MYO16: variants seen among roughly 807,000 people sequenced by gnomAD.
MYO16 encodes the protein myosin XVI.
A neutral mutation model predicts 205.3 loss-of-function variants in MYO16; 94 were observed. The observed-to-expected ratio is 0.46, with a 90% CI of 0.39 to 0.54. The LOEUF is 0.54. Ranked by LOEUF, MYO16 falls within the 20% of genes least tolerant of loss-of-function variation. The probability of loss-of-function intolerance (pLI) is 0.00; values close to 1 mark genes in which losing one functional copy is unlikely to be tolerated. For missense variants in MYO16, 2,315 were observed against 2,387.5 expected (o/e 0.97, Z 0.63); for synonymous variants, 988 against 954.0 (o/e 1.04, Z -0.66).
At chr13:109,158,119 T>C (rs961305190) in intron 32 of MYO16, among the ~76,000 whole-genome samples, 1 of 152,154 alleles carries the variant, frequency 6.6e-6, no homozygotes, top group African/African-American at 2.4e-5. Flanking sequence ...TCAGCTCTCA[T>C]GTTCCCCAGA....
chr13:109,103,065 A>T (rs995289641), intron 28 of MYO16, among the ~76,000 whole-genome samples: 3 of 152,214 alleles, frequency 2.0e-5, no homozygotes, highest in Non-Finnish European at 2.9e-5. Context: ...ATACTACCAG[A>T]CAAATAATCA....
the MYO16 span, among the ~76,000 whole-genome samples, chr13:108,565,072 A>G: frequency 6.6e-6 from 1 of 152,190 alleles, no homozygotes. Flanking sequence ...TATAATTTGA[A>G]GTCACGTAAT....
chr13:109,003,280 G>C (rs35227827), intron 21 of MYO16, among the ~76,000 whole-genome samples: 1 of 152,116 alleles, frequency 6.6e-6, no homozygotes, highest in East Asian at 1.9e-4. Flanking sequence ...CATGAAGCTG[G>C]AAATTTCTCT....
intron 4 of MYO16, among the ~76,000 whole-genome samples, chr13:108,739,313 C>T (rs1027746298): frequency 4.6e-5 from 7 of 152,042 alleles, no homozygotes; most frequent in African/African-American, 1.5e-4. Flanking sequence ...CCTTCAGGAG[C>T]TCTTGTAGGG....
intron 27 of MYO16, among the ~76,000 whole-genome samples, chr13:109,090,904 T>C (rs1888599642): frequency 6.6e-6 from 1 of 151,920 alleles, no homozygotes; most frequent in Non-Finnish European, 1.5e-5. Flanking sequence ...TTGAAGCAGG[T>C]TTTATATCTC....
At chr13:109,200,924 G>A (rs1436336620) in intron 34 of MYO16, among the ~76,000 whole-genome samples, 1 of 152,100 alleles carries the variant, frequency 6.6e-6, no homozygotes, top group Non-Finnish European at 1.5e-5. Context: ...TGTATTTTGT[G>A]CTTGGTGTAA....
intron 12 of MYO16, among the ~76,000 whole-genome samples, chr13:108,876,693 A>G (rs1282899165): frequency 7.1e-6 from 1 of 140,434 alleles, no homozygotes; most frequent in Non-Finnish European, 1.5e-5. Context: ...TTGAGATGAG[A>G]TCTTAGTCTA....
the MYO16 span, among the ~76,000 whole-genome samples, chr13:108,532,915 C>T: frequency 6.6e-6 from 1 of 151,916 alleles, no homozygotes; most frequent in African/African-American, 2.4e-5. Flanking sequence ...AAGTGAGGTC[C>T]CTAACAAAAT....
chr13:108,946,458 T>TATACATATGGAAACTTTGAA (rs2050942238), intron 16 of MYO16, among the ~76,000 whole-genome samples: 1 of 152,166 alleles, frequency 6.6e-6, no homozygotes, highest in African/African-American at 2.4e-5. Flanking sequence ...ACCAACTAGG[T>TATACATATGGAAACTTTGAA]ATACATATGG....
intron 2 of MYO16, among the ~76,000 whole-genome samples, chr13:108,680,507 T>C (rs1190059533): frequency 6.6e-6 from 1 of 152,200 alleles, no homozygotes; most frequent in East Asian, 1.9e-4. Context: ...TAATGCAGGC[T>C]TTGCATAGAG....
chr13:108,862,158 A>C (rs549429991), intron 11 of MYO16, among the ~76,000 whole-genome samples: 2 of 152,332 alleles, frequency 1.3e-5, no homozygotes, highest in African/African-American at 4.8e-5. Flanking sequence ...CAAAAATCAA[A>C]ATCCCCAAAG....
the MYO16 span, among the ~76,000 whole-genome samples, chr13:108,500,673 A>C: frequency 6.6e-6 from 1 of 152,094 alleles, no homozygotes; most frequent in Non-Finnish European, 1.5e-5. Context: ...CTGACCTTTT[A>C]GGACTGCCCC....
intron 1 of MYO16, among the ~76,000 whole-genome samples, chr13:108,660,088 C>T (rs1057486638): frequency 2.6e-5 from 4 of 152,036 alleles, no homozygotes; most frequent in African/African-American, 9.7e-5. Context: ...GGCAACAGAG[C>T]AAGACCCCAT....
At chr13:108,908,714 CT>C (rs1176548662) in intron 15 of MYO16, among the ~76,000 whole-genome samples, 1 of 152,104 alleles carries the variant, frequency 6.6e-6, no homozygotes, top group Non-Finnish European at 1.5e-5. Flanking sequence ...TGGCTCACCC[CT>C]GTAATCCTGG....
intron 7 of MYO16, among the ~76,000 whole-genome samples, chr13:108,818,485 AAC>A (rs1198538064): frequency 6.6e-6 from 1 of 151,928 alleles, no homozygotes; most frequent in Non-Finnish European, 1.5e-5. Context: ...TAATAAAACA[AAC>A]ACAGAATGCA....
intron 2 of MYO16, among the ~76,000 whole-genome samples, chr13:108,708,312 T>C (rs1883592409): frequency 6.6e-6 from 1 of 152,220 alleles, no homozygotes; most frequent in Admixed American, 6.5e-5. Context: ...AAAGGCTTTC[T>C]CAAAGGACTA....
intron 2 of MYO16, among the ~76,000 whole-genome samples, chr13:108,702,813 A>AGTTTTTGT (rs1883362411): frequency 1.3e-5 from 2 of 152,168 alleles, no homozygotes; most frequent in Non-Finnish European, 2.9e-5. Flanking sequence ...GGGACAGCTG[A>AGTTTTTGT]CTATATAACA....
chr13:109,172,527 G>A (rs74904989), intron 33 of MYO16, among the ~76,000 whole-genome samples: 13,417 of 152,150 alleles, frequency 0.088, 660 homozygotes, highest in African/African-American at 0.11. Flanking sequence ...TCCTTGCAGT[G>A]GAATAGTGTT....
chr13:108,941,334 G>A (rs1332699239), intron 16 of MYO16, among the ~76,000 whole-genome samples: 1 of 152,112 alleles, frequency 6.6e-6, no homozygotes, highest in Non-Finnish European at 1.5e-5. Context: ...TCTACGAGGG[G>A]CCTACTTCCT....
Sources: gnomAD v4.1 joint callset for allele counts (sites outside exome capture counted in the v4.1 genomes callset) on GRCh38, gnomAD v4.1.1 for gene constraint, MANE v1.5 for transcripts, NCBI Gene and HGNC (gene_info 2026-07-23, HGNC 2026-07-21) for gene names.